DIP2B: variants seen among roughly 807,000 people sequenced by gnomAD.
The protein encoded by DIP2B is disco-interacting protein 2 homolog B.
In DIP2B, 76 loss-of-function variants were observed where a neutral mutation model predicts 198.0. The ratio of observed to expected loss-of-function variants is 0.38; its 90% CI spans 0.32 to 0.46. The LOEUF (loss-of-function observed/expected upper bound fraction) is 0.46, where lower values mean the gene tolerates loss of function less well. DIP2B is among the 20% of genes least tolerant of loss of function. The pLI, the probability that DIP2B is intolerant of heterozygous loss-of-function variation, is 0.99. For missense variants in DIP2B, 1,559 were observed against 1,978.4 expected (o/e 0.79, Z 4.02); for synonymous variants, 701 against 739.1 (o/e 0.95, Z 0.84).
At chr12:50,659,843 A>T (rs1346468456) in intron 3 of DIP2B, among the ~76,000 whole-genome samples, 2 of 152,086 alleles carry the variant, frequency 1.3e-5, no homozygotes, top group African/African-American at 4.8e-5. Context: ...CACAGCGCTC[A>T]TTCCATTTGA....
intron 7 of DIP2B, among the ~76,000 whole-genome samples, chr12:50,677,633 G>A (rs1938970672): frequency 6.6e-6 from 1 of 152,048 alleles, no homozygotes; most frequent in Non-Finnish European, 1.5e-5. Context: ...GGAAGGAAAT[G>A]TAGGATTCTT....
At chr12:50,534,372 T>TCA (rs1308528420) in intron 1 of DIP2B, among the ~76,000 whole-genome samples, 1 of 143,418 alleles carries the variant, frequency 7.0e-6, no homozygotes, top group Non-Finnish European at 1.5e-5. Context: ...TCATTTCATT[T>TCA]TTTTTTTTTT....
intron 1 of DIP2B, among the ~76,000 whole-genome samples, chr12:50,533,165 ATTTTG>A (rs1371858006): frequency 1.3e-5 from 2 of 152,332 alleles, no homozygotes; most frequent in Admixed American, 1.3e-4. Flanking sequence ...TAAAGTGTCC[ATTTTG>A]TTTTAATTAG....
chr12:50,683,088 T>G, intron 9 of DIP2B, 50 bp from the exon 10 acceptor site: 1 of 1,391,474 alleles, frequency 7.2e-7, no homozygotes, highest in Non-Finnish European at 1.0e-6. Context: ...ATTGAAAGCA[T>G]TAGTATGTTT....
At position 50,744,919 on chromosome 12, in the gene DIP2B, C is replaced by T. The variant is rs994823842; in HGVS notation, c.*80C>T. ...CCTCTGGCTAAGAGCAGGCTTCAAA[C>T]GATGTGAAATAAGCTGAGATGGCTA... On this transcript the variant is annotated 3_prime_UTR_variant, in exon 38 of 38. Coordinates refer to ENST00000301180, the MANE Select transcript of DIP2B (RefSeq NM_173602.3). The T allele has an allele frequency of 3.5e-5, 54 of 1,521,684 alleles. No individual in the cohort carries two copies. Among genetic ancestry groups the T allele is most frequent in the East Asian group, 6.8e-5 (3 of 44,122 alleles). The allele number at this position is 1,521,684 out of a possible 1,614,324, so 94.3% of individuals were successfully genotyped here. A position where few individuals can be genotyped will look rare whatever the true frequency, so the allele number is the denominator to read the frequency against.
chr12:50,632,444 A>G (rs1372505627), intron 2 of DIP2B, among the ~76,000 whole-genome samples: 1 of 132,282 alleles, frequency 7.6e-6, no homozygotes, highest in African/African-American at 2.9e-5. Flanking sequence ...GTGCCACTGC[A>G]CTCCAGCCTG....
At chr12:50,732,883 T>C (rs544639329) in intron 32 of DIP2B, among the ~76,000 whole-genome samples, 11 of 152,204 alleles carry the variant, frequency 7.2e-5, no homozygotes, top group African/African-American at 2.6e-4. Flanking sequence ...GGATTTTACT[T>C]GTATCTGACC....
At chr12:50,716,973 T>TTTTTTTTTTTTTG in intron 23 of DIP2B, among the ~76,000 whole-genome samples, 1 of 137,218 alleles carries the variant, frequency 7.3e-6, no homozygotes, top group Admixed American at 7.5e-5. Flanking sequence ...TTTTTTTTTT[T>TTTTTTTTTTTTTG]TTTTTTTTGA....
At chr12:50,656,117 G>A (rs1039514106) in intron 3 of DIP2B, among the ~76,000 whole-genome samples, 2 of 152,144 alleles carry the variant, frequency 1.3e-5, no homozygotes, top group African/African-American at 4.8e-5. Flanking sequence ...GAATGATATT[G>A]AATTGGAAAT....
chr12:50,719,879 TATA>T (rs1166982363), intron 25 of DIP2B, among the ~76,000 whole-genome samples: 1 of 147,202 alleles, frequency 6.8e-6, no homozygotes. Context: ...TTATATTAAA[TATA>T]ATAATATATA....
intron 3 of DIP2B, among the ~76,000 whole-genome samples, chr12:50,654,587 T>A (rs1275433172): frequency 6.6e-6 from 1 of 152,138 alleles, no homozygotes; most frequent in African/African-American, 2.4e-5. Context: ...CTTGGGCTCA[T>A]GCAGTCCTCC....
At chr12:50,545,349 T>C (rs1311866303) in intron 1 of DIP2B, among the ~76,000 whole-genome samples, 9 of 134,360 alleles carry the variant, frequency 6.7e-5, no homozygotes. Context: ...CCTCCCTCCT[T>C]CTTTCTTTCT....
chr12:50,741,518 TC>T lies in DIP2B; in HGVS notation c.4459del (p.His1487ThrfsTer30). 1 of 1,613,862 alleles carries T rather than the reference TC, an allele frequency of 6.2e-7. No homozygotes were observed. Among genetic ancestry groups the T allele is most frequent in the Non-Finnish European group, 8.5e-7 (1 of 1,179,844 alleles). On this transcript the variant is annotated frameshift_variant, in exon 37 of 38. Transcript: ENST00000301180. LOFTEE classifies it high-confidence loss of function. ...PIDIETSVSR[I>X]HRSIAECAVF... Reference sequence around the variant, plus strand: ...GATATTGAGACCTCGGTGTCCCGGATCCACAGAAGCATTGCTGAATGGTAAC... The same window carrying T: ...GATATTGAGACCTCGGTGTCCCGGATCACAGAAGCATTGCTGAATGGTAAC...
intron 34 of DIP2B, among the ~76,000 whole-genome samples, chr12:50,736,568 C>T (rs1940142405): frequency 6.6e-6 from 1 of 152,130 alleles, no homozygotes; most frequent in Non-Finnish European, 1.5e-5. Context: ...CTGCTGCTGT[C>T]CTCTGTCACT....
intron 3 of DIP2B, among the ~76,000 whole-genome samples, chr12:50,648,223 T>C (rs1938384693): frequency 6.6e-6 from 1 of 152,218 alleles, no homozygotes; most frequent in African/African-American, 2.4e-5. Context: ...AACAAATGTT[T>C]CAGTGTTATC....
intron 1 of DIP2B, among the ~76,000 whole-genome samples, chr12:50,538,022 A>G (rs1224119626): frequency 2.0e-5 from 3 of 152,212 alleles, no homozygotes; most frequent in African/African-American, 4.8e-5. Flanking sequence ...GATTCAAAAG[A>G]GTACTTATTT....
intron 4 of DIP2B, among the ~76,000 whole-genome samples, chr12:50,666,353 A>G (rs1170673177): frequency 6.6e-6 from 1 of 152,180 alleles, no homozygotes; most frequent in African/African-American, 2.4e-5. Context: ...AGAAGAGAAA[A>G]CAGGTTTAGA....
intron 29 of DIP2B, 133 bp from the exon 30 acceptor site, chr12:50,728,415 G>A: frequency 2.8e-6 from 3 of 1,061,228 alleles, no homozygotes; most frequent in East Asian, 5.1e-5. Flanking sequence ...CTTAGATTAG[G>A]CTTTGAAGCA....
At chr12:50,724,023 A>G (rs1435815450) in intron 27 of DIP2B, among the ~76,000 whole-genome samples, 1 of 152,232 alleles carries the variant, frequency 6.6e-6, no homozygotes, top group Non-Finnish European at 1.5e-5. Flanking sequence ...AGCAAGGGGA[A>G]GCCTTGGCCA....
Sources: allele counts gnomAD v4.1 joint callset (sites outside exome capture counted in the v4.1 genomes callset), GRCh38; gene constraint gnomAD v4.1.1; transcripts MANE v1.5; gene names NCBI Gene and HGNC (gene_info 2026-07-23, HGNC 2026-07-21).